Variants in OTOF observed in about 807,000 individuals in gnomAD.
The protein encoded by OTOF is otoferlin, also known as fer-1-like family member 2.
A neutral mutation model predicts 236.8 loss-of-function variants in OTOF; 218 were observed. The observed-to-expected ratio is 0.92, with a 90% confidence interval of 0.82 to 1.03. The LOEUF (loss-of-function observed/expected upper bound fraction) is 1.03, where lower values mean the gene tolerates loss of function less well. OTOF is among the 50% of genes least tolerant of loss of function. OTOF has a pLI of 0.00. For missense variants in OTOF, 2,590 were observed against 2,694.4 expected (o/e 0.96, Z 0.86); for synonymous variants, 1,041 against 1,072.5 (o/e 0.97, Z 0.57).
chr2:26,523,976 A>G (rs529337130), intron 3 of OTOF, among the ~76,000 whole-genome samples: 1 of 151,978 alleles, frequency 6.6e-6, no homozygotes, highest in South Asian at 2.1e-4. Flanking sequence ...GGCCTGTGTC[A>G]GCCTGGGCCT....
intron 1 of OTOF, among the ~76,000 whole-genome samples, chr2:26,538,816 A>ATTTTT (rs35315095): frequency 6.5e-5 from 9 of 138,740 alleles, no homozygotes; most frequent in African/African-American, 1.1e-4. Flanking sequence ...GGGAAACACC[A>ATTTTT]TTTTTTTTTT....
At chr2:26,480,624 G>A (rs932384352) in intron 15 of OTOF, among the ~76,000 whole-genome samples, 162 bp downstream of exon 15, 3 of 152,236 alleles carry the variant, frequency 2.0e-5, no homozygotes, top group African/African-American at 7.2e-5. Flanking sequence ...CCTGTTGCGG[G>A]GCTGAGTGGG....
intron 9 of OTOF, among the ~76,000 whole-genome samples, chr2:26,494,534 T>C (rs547187531): frequency 6.6e-6 from 1 of 152,180 alleles, no homozygotes; most frequent in East Asian, 1.9e-4. Flanking sequence ...TTTAGGAGCA[T>C]GCCTGGCTGG....
chr2:26,509,889 C>T (rs986851719), intron 5 of OTOF, among the ~76,000 whole-genome samples: 1 of 152,142 alleles, frequency 6.6e-6, no homozygotes, highest in Non-Finnish European at 1.5e-5. Flanking sequence ...CAGCTCTGCC[C>T]CTGTTCTGAG....
chr2:26,467,504 G>C lies in OTOF; in HGVS notation c.4091-3C>G. 1 of 1,613,614 alleles carries C rather than the reference G, an allele frequency of 6.2e-7. No homozygotes were observed. On this transcript the variant is annotated splice_polypyrimidine_tract_variant and splice_region_variant and intron_variant, in intron 33 of 46. Transcript: ENST00000272371. Reference sequence around the variant, plus strand: ...GCCCTTCATTGACCCCTTCAGGCCTGGCCAGAAGCAGAAAAGGAGGTGGAG... The same window carrying C: ...GCCCTTCATTGACCCCTTCAGGCCTCGCCAGAAGCAGAAAAGGAGGTGGAG...
chr2:26,461,098 T>TAGATC lies in OTOF; in HGVS notation c.5534-69_5534-68insGATCT. 1.3e-6 allele frequency: 1 copy of TAGATC among 749,236 alleles called. No homozygotes were observed. Among genetic ancestry groups the TAGATC allele is most frequent in the Non-Finnish European group, 2.2e-6 (1 of 451,262 alleles). 46.4% of individuals were successfully genotyped at this position (749,236 alleles called of 1,614,324 possible). ...GTGGGGCGGGGTGGGGGTGGGGGTC[T>TAGATC]GGGCTCCTCGGCCCCTTGTTTGCTG... On this transcript the variant is annotated intron_variant, in intron 43 of 46. Transcript: ENST00000272371. This position sits in a 1 kb window ranked among gnomAD's most constrained non-coding sequence, Gnocchi z 6.2.
chr2:26,483,489 G>A lies in OTOF; in HGVS notation c.1365C>T (p.Tyr455=), dbSNP rs572162678. 2.9e-5 allele frequency: 46 copies of A among 1,613,912 alleles called. No individual in the cohort carries two copies. Among genetic ancestry groups the A allele is most frequent in the Admixed American group, 1.0e-4 (6 of 60,022 alleles). The change falls in exon 13 of 47, where the codon TAC becomes TAT. Residue 455 remains tyrosine, a synonymous_variant. Transcript: ENST00000272371. ...IGENKDLVDP[Y]VQVFFAGQKG... Reference sequence around the variant, plus strand: ...TCTGGCCAGCAAAGAAGACTTGCACGTAGGGGTCCACGAGGTCCTTGTTTT... The same window carrying A: ...TCTGGCCAGCAAAGAAGACTTGCACATAGGGGTCCACGAGGTCCTTGTTTT...
intron 46 of OTOF, 118 bp downstream of exon 46, chr2:26,459,890 G>A: frequency 4.1e-6 from 4 of 966,120 alleles, no homozygotes; most frequent in Non-Finnish European, 6.3e-6. Flanking sequence ...ACATGCTTGT[G>A]TGTGTTTGTG....
intron 3 of OTOF, among the ~76,000 whole-genome samples, chr2:26,520,362 C>G (rs1666646010): frequency 6.6e-6 from 1 of 152,170 alleles, no homozygotes; most frequent in Non-Finnish European, 1.5e-5. Flanking sequence ...AATTCTGACT[C>G]AGACATGCTT....
chr2:26,491,769 C>T (rs1031671074), intron 9 of OTOF, among the ~76,000 whole-genome samples: 1 of 152,214 alleles, frequency 6.6e-6, no homozygotes, highest in Non-Finnish European at 1.5e-5. Context: ...CTTCCCTGCA[C>T]ACAGGCAGGC....
At chr2:26,500,004 G>C (rs1407534021) in intron 8 of OTOF, among the ~76,000 whole-genome samples, 2 of 152,208 alleles carry the variant, frequency 1.3e-5, no homozygotes, top group Non-Finnish European at 2.9e-5. Flanking sequence ...GTTAATAAAA[G>C]TCTCTGGTAG....
intron 8 of OTOF, among the ~76,000 whole-genome samples, chr2:26,499,908 G>A (rs1231434147): frequency 6.6e-6 from 1 of 152,218 alleles, no homozygotes; most frequent in Non-Finnish European, 1.5e-5. Context: ...AACTTGTCGG[G>A]AAACACTATG....
chr2:26,506,863 T>A (rs1239667433), intron 5 of OTOF, among the ~76,000 whole-genome samples: 1 of 152,130 alleles, frequency 6.6e-6, no homozygotes, highest in Admixed American at 6.5e-5. Context: ...TGGTGGCACA[T>A]GCCTGTAATC....
At position 26,558,590 on chromosome 2, in the gene OTOF, G is replaced by C; in HGVS notation, c.-19C>G. 6.2e-7 allele frequency: 1 copy of C among 1,607,800 alleles called. No individual in the cohort carries two copies. Among genetic ancestry groups the C allele is most frequent in the Non-Finnish European group, 8.5e-7 (1 of 1,174,782 alleles). On this transcript the variant is annotated 5_prime_UTR_variant, in exon 1 of 47. Coordinates refer to ENST00000272371, the MANE Select transcript of OTOF (RefSeq NM_194248.3). ...AGGCCATGCTGGTGTGGGCTGCCTG[G>C]CACTGCCAGGCAGGAGCAGCGGGAA...
chr2:26,547,563 TGG>T (rs1268427219), intron 1 of OTOF, among the ~76,000 whole-genome samples: 1 of 152,194 alleles, frequency 6.6e-6, no homozygotes, highest in East Asian at 1.9e-4. Context: ...AGGCCGGGTG[TGG>T]TGGCTTACAC....
chr2:26,555,202 TTAGA>T (rs1667556457), intron 1 of OTOF, among the ~76,000 whole-genome samples: 2 of 152,234 alleles, frequency 1.3e-5, no homozygotes, highest in African/African-American at 4.8e-5. Context: ...TGGCTCCTTC[TTAGA>T]TAGCCCACTC....
chr2:26,486,732 G>A (rs1665710482), intron 11 of OTOF, among the ~76,000 whole-genome samples: 1 of 152,202 alleles, frequency 6.6e-6, no homozygotes, highest in Non-Finnish European at 1.5e-5. Flanking sequence ...GGACCAATCA[G>A]AGATGGTGCT....
chr2:26,549,698 A>G (rs907744869), intron 1 of OTOF, among the ~76,000 whole-genome samples: 1 of 152,198 alleles, frequency 6.6e-6, no homozygotes, highest in Non-Finnish European at 1.5e-5. Context: ...TCAGGGATTC[A>G]TCTGAGAGGC....
intron 1 of OTOF, among the ~76,000 whole-genome samples, chr2:26,543,375 C>T (rs1022463238): frequency 3.3e-5 from 5 of 152,172 alleles, no homozygotes; most frequent in African/African-American, 1.2e-4. Context: ...AGCCGGGGGT[C>T]ATTATCCTGG....
Sources: gnomAD v4.1 joint callset for allele counts (sites outside exome capture counted in the v4.1 genomes callset) on GRCh38, gnomAD v4.1.1 for gene constraint, Gnocchi (gnomAD v3.1) non-coding constraint, MANE v1.5 for transcripts, NCBI Gene and HGNC (gene_info 2026-07-23, HGNC 2026-07-21) for gene names.